FLT4: variants seen among roughly 807,000 people sequenced by gnomAD.
The protein encoded by FLT4 is vascular endothelial growth factor receptor 3.
Under a neutral mutation model 163.2 loss-of-function variants are expected in FLT4, and 30 were observed. The ratio of observed to expected loss-of-function variants is 0.18; its 90% confidence interval spans 0.14 to 0.25. FLT4 has a LOEUF of 0.25. Among genes scored for constraint, FLT4 ranks in the 10% least tolerant of loss-of-function variants. FLT4 has a pLI of 1.00. For missense variants in FLT4, 1,510 were observed against 1,863.8 expected (o/e 0.81, Z 3.50); for synonymous variants, 884 against 789.5 (o/e 1.12, Z -2.01).
intron 1 of FLT4, among the ~76,000 whole-genome samples, chr5:180,644,949 T>G (rs1473865545): frequency 5.9e-5 from 9 of 152,226 alleles, no homozygotes; most frequent in African/African-American, 2.2e-4. Flanking sequence ...CAGCACCGTC[T>G]GCCCGGAGTT....
chr5:180,603,549 A>G lies in FLT4; in HGVS notation c.3894-159T>C, dbSNP rs572574436. 1.3e-3 allele frequency among the ~76,000 whole-genome samples: 202 copies of G among 152,176 alleles called. 1 individual carries two copies. The highest frequency in any genetic ancestry group is 4.6e-3 in the African/African-American group (193 of 41,522). ...CAACATGGGGAAACCCCGTCTCTAC[A>G]AAAAATACAAAAATTAGCCAGGCAT... On this transcript the variant is annotated intron_variant, in intron 29 of 29. Transcript: ENST00000261937.
At chr5:180,631,243 G>A (rs1387155615) in intron 2 of FLT4, among the ~76,000 whole-genome samples, 2 of 152,154 alleles carry the variant, frequency 1.3e-5, no homozygotes, top group South Asian at 2.1e-4. Flanking sequence ...GGAGGCTGAG[G>A]TGGGTGGGTT....
At chr5:180,611,597 C>G in intron 26 of FLT4, 118 bp from the exon 27 acceptor site, 1 of 1,112,200 alleles carries the variant, frequency 9.0e-7, no homozygotes, top group East Asian at 2.6e-5. Context: ...TCAGCCCTCG[C>G]CCCCGCACTC....
Position 180,627,305 on chromosome 5 carries a change from C to T in FLT4, c.1104-1040G>A, listed in dbSNP as rs551390426. On this transcript the variant is annotated intron_variant, in intron 8 of 29. Transcript: ENST00000261937. ...CAACTTGGACATCACAGCAGGGGCC[C>T]GGGGGGAGTGCCTGGCCTGGGGTCG... 1.9e-4 allele frequency among the ~76,000 whole-genome samples: 29 copies of T among 152,166 alleles called. No homozygotes were observed. In the East Asian group the frequency reaches 2.1e-3, roughly 11 times the overall value.
chr5:180,609,911 G>C lies in FLT4; in HGVS notation c.3801C>G (p.Gly1267=). The change falls in exon 28 of 30, where the codon GGC becomes GGG. Residue 1267 remains glycine (G), a synonymous_variant. Transcript: ENST00000261937. ...CACCCTTCATGTGAAGTACCACAGAGCCTTTGTAGGTCGTTGGGGTCATGG... is the reference window on the plus strand; with the variant it reads ...CACCCTTCATGTGAAGTACCACAGACCCTTTGTAGGTCGTTGGGGTCATGG... ...EFPMTPTTYK[G]SVDNQTDSGM... 3 of 1,614,158 alleles carry C rather than the reference G, an allele frequency of 1.9e-6. No homozygotes were observed. Among genetic ancestry groups the C allele is most frequent in the Non-Finnish European group, 2.5e-6 (3 of 1,179,978 alleles).
At position 180,623,553 on chromosome 5, in the gene FLT4, C is replaced by A. The variant is rs921091326; in HGVS notation, c.1548+382G>T. The stretch of plus-strand genomic sequence containing the variant: ...AGGAAGTAGGTGCCTTTGTTCAGTA[C>A]CCCCTTCTCGGCGTTGCCCCCAGGC... On this transcript the variant is annotated intron_variant, in intron 11 of 29. Transcript: ENST00000261937. This position sits in a 1 kb window ranked among gnomAD's most constrained non-coding sequence, Gnocchi z 5.8. 5.9e-5 allele frequency among the ~76,000 whole-genome samples: 9 copies of A among 151,414 alleles called. No individual in the cohort carries two copies. The highest frequency in any genetic ancestry group is 2.2e-4 in the African/African-American group (9 of 41,282).
rs200752721 is a variant in FLT4 at position 180,630,127 on chromosome 5, C to T, written c.514-22G>A. 2 of 1,612,302 alleles carry T rather than the reference C, an allele frequency of 1.2e-6. No homozygotes were observed. Among genetic ancestry groups the T allele is most frequent in the Admixed American group, 1.7e-5 (1 of 60,004 alleles). ...TTTGCTGGAGGGACAAGGCCACCAT[C>T]ATTGCCCAGCTGCCCCTTGCTCCTG... On this transcript the variant is annotated intron_variant, in intron 4 of 29. Coordinates refer to ENST00000261937, the MANE Select transcript of FLT4 (RefSeq NM_182925.5). This position sits in a 1 kb window ranked among gnomAD's most constrained non-coding sequence, Gnocchi z 6.3.
At chr5:180,612,887 G>A (rs1262176945) in intron 25 of FLT4, 124 bp downstream of exon 25, 1 of 744,044 alleles carries the variant, frequency 1.3e-6, no homozygotes, top group Non-Finnish European at 2.3e-6. Flanking sequence ...CGTGTATCTT[G>A]AGGGTGGTGC....
chr5:180,609,815 C>A, intron 28 of FLT4, 90 bp downstream of exon 28: 1 of 1,514,100 alleles, frequency 6.6e-7, no homozygotes. Context: ...TGGGTTCTGC[C>A]ATTTGCCTTA....
At position 180,619,303 on chromosome 5, in the gene FLT4, C is replaced by G. The variant is rs1188387197; in HGVS notation, c.2711G>C (p.Gly904Ala). The G allele has an allele frequency of 6.2e-7, 1 of 1,611,118 alleles. No individual in the cohort carries two copies. Among genetic ancestry groups the G allele is most frequent in the Non-Finnish European group, 8.5e-7 (1 of 1,179,464 alleles). The change falls in exon 19 of 30, where the codon GGC (glycine) becomes GCC (alanine). Residue 904 changes from glycine (G) to alanine (A), a missense_variant. Transcript: ENST00000261937. ...MSELKILIHI[G>A]NHLNVVNLLG... The stretch of plus-strand genomic sequence containing the variant: ...GAGGTTGACCACGTTGAGGTGGTTG[C>G]CGATGTGAATGAGGATCTTGAGCTC...
intron 27 of FLT4, 126 bp from the exon 28 acceptor site, chr5:180,610,151 G>A: frequency 7.4e-7 from 1 of 1,358,914 alleles, no homozygotes; most frequent in South Asian, 1.2e-5. Context: ...GAGTATGGAT[G>A]GGCCTGGGCC....
intron 1 of FLT4, among the ~76,000 whole-genome samples, chr5:180,647,067 C>A (rs1431618982): frequency 3.9e-5 from 6 of 152,232 alleles, no homozygotes; most frequent in Admixed American, 3.3e-4. Context: ...ACACATCTGT[C>A]CACATCTGGG....
At chr5:180,607,116 T>C (rs1008745803) in intron 29 of FLT4, among the ~76,000 whole-genome samples, 1 of 152,068 alleles carries the variant, frequency 6.6e-6, no homozygotes, top group African/African-American at 2.4e-5. Flanking sequence ...ATGAATCTTT[T>C]AAGCAGACAC....
At chr5:180,612,712 C>T in intron 25 of FLT4, 101 bp from the exon 26 acceptor site, 1 of 835,994 alleles carries the variant, frequency 1.2e-6, no homozygotes, top group Non-Finnish European at 2.1e-6. Flanking sequence ...CTCTGCCCTC[C>T]TCCTGACACG....
chr5:180,628,278 C>T (rs569455537), intron 8 of FLT4, among the ~76,000 whole-genome samples: 2 of 152,320 alleles, frequency 1.3e-5, no homozygotes, highest in East Asian at 1.9e-4. Context: ...GCCATGCCCC[C>T]CCAGAGCCTG....
intron 23 of FLT4, 75 bp downstream of exon 23, chr5:180,616,292 T>C: frequency 6.3e-7 from 1 of 1,599,484 alleles, no homozygotes; most frequent in Non-Finnish European, 8.6e-7. Flanking sequence ...CTCCCTCTCC[T>C]GGACAGGCAG....
intron 22 of FLT4, 64 bp from the exon 23 acceptor site, chr5:180,616,553 G>A (rs1034687955): frequency 1.1e-5 from 18 of 1,590,868 alleles, no homozygotes; most frequent in African/African-American, 5.4e-5. Flanking sequence ...ACCCACACCC[G>A]AAACTCCAGG....
At chr5:180,643,445 C>G (rs1416166363) in intron 1 of FLT4, among the ~76,000 whole-genome samples, 1 of 152,194 alleles carries the variant, frequency 6.6e-6, no homozygotes, top group African/African-American at 2.4e-5. Flanking sequence ...TGTCCCTCCA[C>G]TTTCCCTCCT....
chr5:180,619,061 T>C lies in FLT4; in HGVS notation c.2810A>G (p.Asn937Ser), dbSNP rs765785200. Residue 937 changes from asparagine (N) to serine (S), a missense_variant, in exon 20 of 30, where the codon AAC becomes AGC. By Grantham distance (46) the Asn-to-Ser change is conservative (BLOSUM62 1). Transcript: ENST00000261937. ...GGCGTCCCGCTTGGCGCGCAGGAAG[T>C]TGGAGAGGTTGCCGTACTTGCAGAA... The part of the protein sequence containing the change: ...VEFCKYGNLS[N>S]FLRAKRDAFS... 23 of 1,559,850 alleles carry C rather than the reference T, an allele frequency of 1.5e-5. 1 individual carries two copies. The South Asian group carries it at 2.4e-4, about 16-fold the overall frequency.
Sources: gnomAD v4.1 joint callset for allele counts (sites outside exome capture counted in the v4.1 genomes callset) on GRCh38, gnomAD v4.1.1 for gene constraint, Gnocchi (gnomAD v3.1) non-coding constraint, MANE v1.5 for transcripts, NCBI Gene and HGNC (gene_info 2026-07-23, HGNC 2026-07-21) for gene names.